Variants in GPD2 observed in about 807,000 individuals in gnomAD.
The protein encoded by GPD2 is glycerol-3-phosphate dehydrogenase, mitochondrial.
A neutral mutation model predicts 82.4 loss-of-function variants in GPD2; 54 were observed. The ratio of observed to expected loss-of-function variants is 0.66; its 90% CI spans 0.53 to 0.82. The LOEUF (loss-of-function observed/expected upper bound fraction) is 0.82, where lower values mean the gene tolerates loss of function less well. GPD2 is among the 40% of genes least tolerant of loss of function. GPD2 has a pLI of 0.00. For missense variants in GPD2, 748 were observed against 896.2 expected (o/e 0.83, Z 2.11); for synonymous variants, 288 against 306.1 (o/e 0.94, Z 0.62).
chr2:156,412,114 A>G, the GPD2 span, among the ~76,000 whole-genome samples: 1 of 152,184 alleles, frequency 6.6e-6, no homozygotes, highest in Non-Finnish European at 1.5e-5. Context: ...ACTGTATGAA[A>G]AACTTGCCCC....
the GPD2 span, among the ~76,000 whole-genome samples, chr2:156,414,815 A>G: frequency 1.3e-5 from 2 of 152,208 alleles, no homozygotes; most frequent in Non-Finnish European, 2.9e-5. Context: ...GATGTCATCA[A>G]TTATTCCATA....
the GPD2 span, among the ~76,000 whole-genome samples, chr2:156,408,557 C>G: frequency 6.6e-6 from 1 of 151,486 alleles, no homozygotes; most frequent in African/African-American, 2.4e-5. Flanking sequence ...GAGACCACCC[C>G]CTGCCCATGA....
chr2:156,477,672 T>A (rs1683560569), intron 2 of GPD2, among the ~76,000 whole-genome samples: 1 of 152,246 alleles, frequency 6.6e-6, no homozygotes, highest in Non-Finnish European at 1.5e-5. Flanking sequence ...AATTGACACA[T>A]AATCATTATA....
chr2:156,539,612 T>TC (rs1686226636), intron 6 of GPD2, among the ~76,000 whole-genome samples: 1 of 152,168 alleles, frequency 6.6e-6, no homozygotes, highest in Admixed American at 6.5e-5. Context: ...CAGTTAGAAT[T>TC]CCCCAGCTGG....
Position 156,579,150 on chromosome 2 carries a change from C to T in GPD2, c.1945C>T (p.Gln649Ter). The T allele has an allele frequency of 6.3e-7, 1 of 1,596,062 alleles. No homozygotes were observed. Among genetic ancestry groups the T allele is most frequent in the South Asian group, 1.1e-5 (1 of 90,728 alleles). Reference protein sequence around the residue: ...QKGFITIVDVQRVLESINVQM... With the variant: ...QKGFITIVDV ...AGGCTTTATTACCATTGTTGATGTTCAGCGTGTATTAGAGGTAATTTTCTT... is the reference window on the plus strand; with the variant it reads ...AGGCTTTATTACCATTGTTGATGTTTAGCGTGTATTAGAGGTAATTTTCTT... Residue 649 changes from glutamine (Q) to a stop codon, truncating the protein, a stop_gained, in exon 15 of 17, where the codon CAG becomes TAG. Coordinates refer to ENST00000438166, the MANE Select transcript of GPD2 (RefSeq NM_000408.5). LOFTEE classifies it high-confidence loss of function.
the GPD2 span, among the ~76,000 whole-genome samples, chr2:156,400,846 G>C: frequency 1.3e-5 from 2 of 152,250 alleles, no homozygotes; most frequent in East Asian, 3.9e-4. Flanking sequence ...CTCCAAATCA[G>C]CCGACGTTTG....
At chr2:156,421,207 T>C in the GPD2 span, among the ~76,000 whole-genome samples, 3 of 152,226 alleles carry the variant, frequency 2.0e-5, no homozygotes, top group Non-Finnish European at 4.4e-5. Context: ...GTCTGAGGAC[T>C]ACCTACATCT....
the GPD2 span, among the ~76,000 whole-genome samples, chr2:156,419,624 T>C: frequency 6.6e-6 from 1 of 152,204 alleles, no homozygotes; most frequent in Admixed American, 6.5e-5. Flanking sequence ...TAGCCTCTTT[T>C]GTTTTCTTTC....
chr2:156,417,140 G>A, the GPD2 span, among the ~76,000 whole-genome samples: 1 of 152,102 alleles, frequency 6.6e-6, no homozygotes, highest in Non-Finnish European at 1.5e-5. Context: ...CTGAACTACA[G>A]CAGTTTAGTT....
At chr2:156,487,265 T>TC (rs1175323603) in intron 2 of GPD2, among the ~76,000 whole-genome samples, 1 of 151,936 alleles carries the variant, frequency 6.6e-6, no homozygotes, top group Admixed American at 6.6e-5. Flanking sequence ...GGAGCTAAGG[T>TC]CATGCCACTG....
At chr2:156,411,261 G>C in the GPD2 span, among the ~76,000 whole-genome samples, 1 of 152,076 alleles carries the variant, frequency 6.6e-6, no homozygotes, top group Non-Finnish European at 1.5e-5. Flanking sequence ...CAAATTGTCT[G>C]TGTACTTCAT....
intron 9 of GPD2, among the ~76,000 whole-genome samples, chr2:156,564,933 T>C (rs1042461272): frequency 2.6e-5 from 4 of 152,114 alleles, no homozygotes; most frequent in Non-Finnish European, 4.4e-5. Context: ...TTTTTATTTT[T>C]GACTATCAAC....
At chr2:156,410,634 A>G in the GPD2 span, among the ~76,000 whole-genome samples, 1 of 152,208 alleles carries the variant, frequency 6.6e-6, no homozygotes, top group Non-Finnish European at 1.5e-5. Context: ...CCTAAATAAG[A>G]TACCCTGATA....
chr2:156,460,065 C>A (rs1446183294), intron 1 of GPD2, among the ~76,000 whole-genome samples: 1 of 152,192 alleles, frequency 6.6e-6, no homozygotes, highest in Non-Finnish European at 1.5e-5. Context: ...GAGGCTCAAA[C>A]TATGGCCTGA....
rs1360909417 is a variant in GPD2, at chr2:156,550,482, C to A, written c.827-120C>A. 8 of 996,262 alleles carry A rather than the reference C, an allele frequency of 8.0e-6. No individual in the cohort carries two copies. The African/African-American group carries it at 1.1e-4, about 14-fold the overall frequency. The allele number at this position is 996,262 out of a possible 1,614,324, so 61.7% of individuals were successfully genotyped here. ...TCAATAACTTGAGCTGCTCAGGTCA[C>A]TTAGTGTGGTATGCAGTATACTTCA... On this transcript the variant is annotated intron_variant, in intron 7 of 16. Transcript: ENST00000438166.
At chr2:156,435,031 T>A (rs958520478), upstream of GPD2, among the ~76,000 whole-genome samples, 2 of 152,078 alleles carry the variant, frequency 1.3e-5, no homozygotes, top group African/African-American at 4.8e-5. Context: ...TTTTAATGTG[T>A]CCAAGGGTGA....
At chr2:156,539,134 G>A (rs1314991401) in intron 6 of GPD2, among the ~76,000 whole-genome samples, 2 of 152,296 alleles carry the variant, frequency 1.3e-5, no homozygotes, top group Admixed American at 6.5e-5. Flanking sequence ...TTAACAAAAG[G>A]AGAAGGAAGG....
Position 156,584,604 on chromosome 2 carries a change from C to T in GPD2, c.*1686C>T, listed in dbSNP as rs929381418. 12 of 152,448 alleles carry T rather than the reference C, an allele frequency of 7.9e-5. No homozygotes were observed. In the East Asian group the frequency reaches 1.9e-3, roughly 25 times the overall value. The allele number at this position is 152,448 out of a possible 1,614,324, so 9.4% of individuals were successfully genotyped here. On this transcript the variant is annotated 3_prime_UTR_variant, in exon 17 of 17. Transcript: ENST00000438166. ...TAAATGAGGTTTTAGACGCTTGCCA[C>T]TTCCTAAGGGAAATCCTAAAACAGA...
chr2:156,414,142 AG>A, the GPD2 span, among the ~76,000 whole-genome samples: 1 of 152,218 alleles, frequency 6.6e-6, no homozygotes, highest in Non-Finnish European at 1.5e-5. Flanking sequence ...ATTAAAGAAT[AG>A]GGTCTTGATG....
Sources: allele counts gnomAD v4.1 joint callset (sites outside exome capture counted in the v4.1 genomes callset), GRCh38; gene constraint gnomAD v4.1.1; transcripts MANE v1.5; gene names NCBI Gene and HGNC (gene_info 2026-07-23, HGNC 2026-07-21).